MYO19: variants seen among roughly 807,000 people sequenced by gnomAD.
MYO19 encodes unconventional myosin-XIX.
Under a neutral mutation model 129.2 loss-of-function variants are expected in MYO19, and 132 were observed. The ratio of observed to expected loss-of-function variants is 1.02; its 90% CI spans 0.89 to 1.18. The LOEUF (loss-of-function observed/expected upper bound fraction) is 1.18, where lower values mean the gene tolerates loss of function less well. Among genes scored for constraint, MYO19 ranks in the 50% most tolerant of loss-of-function variants. The pLI is 0.00. For synonymous variants in MYO19, 531 were observed against 477.2 expected (o/e 1.11, Z -1.47); for missense variants, 1,210 against 1,216.7 (o/e 0.99, Z 0.08).
intron 6 of MYO19, among the ~76,000 whole-genome samples, chr17:36,521,519 G>A (rs943622080): frequency 2.0e-5 from 3 of 152,080 alleles, no homozygotes; most frequent in Non-Finnish European, 4.4e-5. Flanking sequence ...AGTTCCAGAA[G>A]GAGAAAACAG....
Position 36,513,622 on chromosome 17 carries a change from C to T in MYO19, c.817+7G>A, listed in dbSNP as rs374839123. On this transcript the variant is annotated splice_region_variant and intron_variant, in intron 10 of 25. Transcript: ENST00000614623. ...CAGCGCAAGGTGCTGGATGGGGCTC[C>T]CCTTACCTTCTAAGCTCCTCTCTGG... 46 of 1,613,862 alleles carry T rather than the reference C, an allele frequency of 2.9e-5. No individual in the cohort carries two copies. The highest frequency in any genetic ancestry group is 1.6e-4 in the Middle Eastern group (1 of 6,084).
At chr17:36,540,643 T>C (rs2074192451) in intron 2 of MYO19, among the ~76,000 whole-genome samples, 1 of 152,162 alleles carries the variant, frequency 6.6e-6, no homozygotes, top group Admixed American at 6.5e-5. Flanking sequence ...AGTGCTGGGA[T>C]ATAGGCATGA....
chr17:36,505,720 A>G (rs1220524096), intron 18 of MYO19, among the ~76,000 whole-genome samples: 2 of 152,164 alleles, frequency 1.3e-5, no homozygotes, highest in Non-Finnish European at 2.9e-5. Flanking sequence ...ATCTTCTTAG[A>G]AAAGAACAAT....
chr17:36,510,781 GGT>G lies in MYO19; in HGVS notation c.1120_1121del (p.Thr374ProfsTer2). The G allele has an allele frequency of 1.2e-6, 2 of 1,608,054 alleles. No homozygotes were observed. Among genetic ancestry groups the G allele is most frequent in the Non-Finnish European group, 1.7e-6 (2 of 1,177,332 alleles). ...TCAGTTTGGCCAGGCAGTCTCTACGGGTGTCACACTCGGCTCGGGCGCAGGGC... is the reference window on the plus strand; with the variant it reads ...TCAGTTTGGCCAGGCAGTCTCTACGGGTCACACTCGGCTCGGGCGCAGGGC... Reference protein sequence around the residue: ...RKPCARAECDTRRDCLAKLIY... With the variant: ...RKPCARAECDXRRDCLAKLIY... On this transcript the variant is annotated frameshift_variant, in exon 13 of 26. Coordinates refer to ENST00000614623, the MANE Select transcript of MYO19 (RefSeq NM_001163735.2). LOFTEE classifies it high-confidence loss of function.
At position 36,495,910 on chromosome 17, in the gene MYO19, TTCCAAAAG is replaced by T; in HGVS notation, c.*333_*340del. 10 of 1,183,502 alleles carry T rather than the reference TTCCAAAAG, an allele frequency of 8.4e-6. No individual in the cohort carries two copies. Among genetic ancestry groups the T allele is most frequent in the Non-Finnish European group, 1.1e-5 (10 of 942,484 alleles). The allele number at this position is 1,183,502 out of a possible 1,614,324, so 73.3% of individuals were successfully genotyped here. Reference sequence around the variant, plus strand: ...TTTTAGGCCAACTTTGGCTGTTTTCTTCCAAAAGTGCTTATGTGGAATTGGGATCCCCA... The same window carrying T: ...TTTTAGGCCAACTTTGGCTGTTTTCTTGCTTATGTGGAATTGGGATCCCCA... On this transcript the variant is annotated 3_prime_UTR_variant, in exon 26 of 26. Coordinates refer to ENST00000614623, the MANE Select transcript of MYO19 (RefSeq NM_001163735.2).
In MYO19 at chr17:36,507,388, G is replaced by A; in HGVS notation, c.1467+11C>T. 1 of 1,609,780 alleles carries A rather than the reference G, an allele frequency of 6.2e-7. No homozygotes were observed. Among genetic ancestry groups the A allele is most frequent in the Non-Finnish European group, 8.5e-7 (1 of 1,177,278 alleles). On this transcript the variant is annotated intron_variant, in intron 16 of 25. Transcript: ENST00000614623. ...AACTCTGGTGCTCGGCTCATTAGCT[G>A]ACCTCCCCACCTCATTTATGAGGGA...
exon 1 of MYO19, chr17:36,543,149 A>T (rs1212580782): frequency 6.6e-6 from 1 of 151,510 alleles, no homozygotes; most frequent in Non-Finnish European, 1.5e-5. Flanking sequence ...TAACATGGCC[A>T]GAAGACATAA....
intron 5 of MYO19, among the ~76,000 whole-genome samples, chr17:36,526,916 AC>A (rs1370754097): frequency 5.9e-5 from 9 of 152,104 alleles, no homozygotes; most frequent in Admixed American, 2.6e-4. Flanking sequence ...ACAGTGGCTC[AC>A]ACCTGTAATT....
intron 6 of MYO19, among the ~76,000 whole-genome samples, chr17:36,520,868 C>T (rs919782532): frequency 5.9e-5 from 9 of 152,150 alleles, no homozygotes; most frequent in Non-Finnish European, 1.2e-4. Context: ...TTTTCAATTG[C>T]GTGGGGAGTT....
intron 16 of MYO19, 104 bp from the exon 17 acceptor site, chr17:36,507,243 C>G (rs1599265176): frequency 6.0e-6 from 9 of 1,491,926 alleles, no homozygotes; most frequent in Non-Finnish European, 7.3e-6. Flanking sequence ...ATCACACAGG[C>G]ATCATAGTGT....
At chr17:36,497,611 C>T (rs1003184262) in intron 25 of MYO19, 25 of 893,372 alleles carry the variant, frequency 2.8e-5, no homozygotes, top group Non-Finnish European at 3.2e-5. Context: ...TTTAGATGGA[C>T]TCTCGTCCTG....
intron 5 of MYO19, among the ~76,000 whole-genome samples, chr17:36,526,828 G>A (rs1040139226): frequency 1.3e-5 from 2 of 152,074 alleles, no homozygotes; most frequent in East Asian, 1.9e-4. Flanking sequence ...CGGAGGTTGC[G>A]GTGAGTCAAG....
chr17:36,498,583 T>C (rs1237753467), intron 24 of MYO19, 24 bp from the exon 25 acceptor site: 2 of 1,585,880 alleles, frequency 1.3e-6, no homozygotes, highest in South Asian at 2.2e-5. Flanking sequence ...TATCCCTTTA[T>C]AGCTTTAGAT....
chr17:36,504,931 G>GA (rs1374525668), intron 19 of MYO19: 33 of 225,574 alleles, frequency 1.5e-4, no homozygotes, highest in South Asian at 5.6e-4. Flanking sequence ...AAAAAAAAAA[G>GA]AAAAAAATGA....
At position 36,495,799 on chromosome 17, in the gene MYO19, T is replaced by A; in HGVS notation, c.*452A>T. 8.1e-7 allele frequency: 1 copy of A among 1,240,850 alleles called. No homozygotes were observed. Among genetic ancestry groups the A allele is most frequent in the South Asian group, 4.0e-5 (1 of 24,782 alleles). 76.9% of individuals were successfully genotyped at this position (1,240,850 alleles called of 1,614,324 possible). On this transcript the variant is annotated 3_prime_UTR_variant, in exon 26 of 26. Transcript: ENST00000614623. ...TTTAATTGTTTGAAATTACATTAAA[T>A]AAATCAACTAATTAAATACTAAAGT...
intron 6 of MYO19, among the ~76,000 whole-genome samples, chr17:36,518,558 A>ATATG (rs1208316206): frequency 1.8e-5 from 2 of 112,408 alleles, no homozygotes; most frequent in African/African-American, 6.7e-5. Flanking sequence ...ATATATGTGT[A>ATATG]TGTGTATATA....
intron 6 of MYO19, among the ~76,000 whole-genome samples, chr17:36,519,565 C>T (rs796068685): frequency 8.0e-5 from 12 of 150,072 alleles, no homozygotes; most frequent in African/African-American, 2.9e-4. Flanking sequence ...TTAAATTTGG[C>T]ATTTTAATGA....
At chr17:36,510,302 C>A (rs1418490418) in intron 13 of MYO19, among the ~76,000 whole-genome samples, 3 of 152,212 alleles carry the variant, frequency 2.0e-5, no homozygotes, top group African/African-American at 7.2e-5. Context: ...TGGGCTGAGC[C>A]TCTGGCTTTA....
rs149798733 is a variant in MYO19 at position 36,523,340 on chromosome 17, T to C, written c.414+1888A>G. ...GGCAGCAGCCCTCAGCAGGCACCAA[T>C]CCAGACAGAAGAAAAGATATGGTCT... On this transcript the variant is annotated intron_variant, in intron 6 of 25. Coordinates refer to ENST00000614623, the MANE Select transcript of MYO19 (RefSeq NM_001163735.2). Among the ~76,000 whole-genome samples, 8 of 152,192 alleles carry C rather than the reference T, an allele frequency of 5.3e-5. No homozygotes were observed. The East Asian group carries it at 1.2e-3, about 22-fold the overall frequency.
Sources: allele counts gnomAD v4.1 joint callset (sites outside exome capture counted in the v4.1 genomes callset), GRCh38; gene constraint gnomAD v4.1.1; transcripts MANE v1.5; gene names NCBI Gene and HGNC (gene_info 2026-07-23, HGNC 2026-07-21).